Variants in CNTNAP5 observed in about 807,000 individuals in gnomAD.
CNTNAP5 encodes the protein contactin-associated protein-like 5.
A neutral mutation model predicts 150.2 loss-of-function variants in CNTNAP5; 72 were observed. The observed-to-expected ratio is 0.48, with a 90% CI of 0.40 to 0.58. CNTNAP5 has a LOEUF of 0.58. CNTNAP5 is among the 20% of genes least tolerant of loss of function. CNTNAP5 has a pLI of 0.00. For missense variants in CNTNAP5, 1,636 were observed against 1,626.2 expected (o/e 1.01, Z -0.10); for synonymous variants, 672 against 619.8 (o/e 1.08, Z -1.25).
chr2:124,572,301 G>A (rs1328127578), intron 11 of CNTNAP5, among the ~76,000 whole-genome samples: 1 of 151,832 alleles, frequency 6.6e-6, no homozygotes, highest in East Asian at 1.9e-4. Flanking sequence ...AGATACTGGG[G>A]TCTACCTGAG....
At chr2:124,306,847 C>T (rs1181189912) in intron 3 of CNTNAP5, among the ~76,000 whole-genome samples, 1 of 151,314 alleles carries the variant, frequency 6.6e-6, no homozygotes, top group Non-Finnish European at 1.5e-5. Context: ...CCTGCCTCAG[C>T]CTCCTGAGTA....
At chr2:124,783,687 G>A (rs1350440856) in intron 17 of CNTNAP5, among the ~76,000 whole-genome samples, 1 of 152,142 alleles carries the variant, frequency 6.6e-6, no homozygotes, top group Non-Finnish European at 1.5e-5. Context: ...TTGGTTTGAG[G>A]TGTCAAAATT....
chr2:124,175,149 A>C (rs556667010), intron 1 of CNTNAP5, among the ~76,000 whole-genome samples: 3 of 152,214 alleles, frequency 2.0e-5, no homozygotes, highest in Admixed American at 2.0e-4. Flanking sequence ...GCTTTACTTA[A>C]ATGGTCTGGA....
intron 6 of CNTNAP5, among the ~76,000 whole-genome samples, chr2:124,470,339 T>C (rs1263425021): frequency 6.6e-5 from 10 of 152,230 alleles, no homozygotes. Context: ...GAACTTTTTT[T>C]CATATGCTTG....
chr2:124,560,753 T>C (rs993756382), intron 10 of CNTNAP5, among the ~76,000 whole-genome samples: 1 of 152,080 alleles, frequency 6.6e-6, no homozygotes, highest in African/African-American at 2.4e-5. Context: ...CAATGAAGTC[T>C]CAAGGACAGC....
At chr2:124,790,861 C>T (rs1415537712) in intron 18 of CNTNAP5, among the ~76,000 whole-genome samples, 3 of 152,036 alleles carry the variant, frequency 2.0e-5, no homozygotes, top group African/African-American at 7.2e-5. Context: ...TTCAAGATAC[C>T]TCAAGAAACT....
chr2:124,803,064 G>A (rs1220363982), intron 19 of CNTNAP5, among the ~76,000 whole-genome samples: 5 of 149,848 alleles, frequency 3.3e-5, no homozygotes, highest in African/African-American at 1.2e-4. Context: ...GCAGTGAGCC[G>A]AGATCACGCC....
intron 13 of CNTNAP5, among the ~76,000 whole-genome samples, chr2:124,651,219 G>A (rs1386414082): frequency 6.6e-6 from 1 of 152,330 alleles, no homozygotes; most frequent in East Asian, 1.9e-4. Flanking sequence ...TTGCTAACTA[G>A]TAGCCAGGGT....
intron 3 of CNTNAP5, among the ~76,000 whole-genome samples, chr2:124,411,460 A>G (rs1462244988): frequency 6.6e-6 from 1 of 151,958 alleles, no homozygotes; most frequent in Non-Finnish European, 1.5e-5. Flanking sequence ...CTTGATGAGC[A>G]TTGATTCAAA....
intron 1 of CNTNAP5, among the ~76,000 whole-genome samples, chr2:124,030,498 T>C (rs533412328): frequency 1.2e-4 from 18 of 152,244 alleles, no homozygotes; most frequent in African/African-American, 4.3e-4. Flanking sequence ...TTGCAAGATA[T>C]GAAACTTACT....
In CNTNAP5 at chr2:124,865,446, T is replaced by G; in HGVS notation, c.3348+10T>G. ...AGAGCTTACCATTCAGGTACCTTCC[T>G]TACTTTCTCCTGCTTCAGCCAATGT... On this transcript the variant is annotated intron_variant, in intron 20 of 23. Transcript: ENST00000682447. The G allele has an allele frequency of 6.4e-7, 1 of 1,551,080 alleles. No homozygotes were observed. The highest frequency in any genetic ancestry group is 1.2e-5 in the South Asian group (1 of 84,026).
intron 7 of CNTNAP5, among the ~76,000 whole-genome samples, chr2:124,488,790 A>G (rs1693951101): frequency 6.6e-6 from 1 of 152,198 alleles, no homozygotes; most frequent in Non-Finnish European, 1.5e-5. Context: ...TGTCTTCCTA[A>G]GGGAGCATCT....
intron 14 of CNTNAP5, among the ~76,000 whole-genome samples, chr2:124,749,383 C>CTTCCTTCCTTCCTTCCTTCT (rs1680673858): frequency 6.7e-6 from 1 of 149,602 alleles, no homozygotes; most frequent in African/African-American, 2.5e-5. Flanking sequence ...CTCTCCCTTC[C>CTTCCTTCCTTCCTTCCTTCT]TTCCTTCCTT....
intron 2 of CNTNAP5, among the ~76,000 whole-genome samples, chr2:124,229,489 C>CA (rs1009969358): frequency 2.0e-4 from 30 of 151,238 alleles, no homozygotes; most frequent in South Asian, 1.0e-3. Flanking sequence ...TCATCACACA[C>CA]AAAAAAAATG....
intron 10 of CNTNAP5, among the ~76,000 whole-genome samples, chr2:124,530,304 C>T (rs182503330): frequency 6.6e-5 from 10 of 152,086 alleles, no homozygotes; most frequent in South Asian, 6.2e-4. Context: ...AGCAAGACTC[C>T]GTCTAAAAAT....
intron 4 of CNTNAP5, among the ~76,000 whole-genome samples, chr2:124,423,855 G>A (rs1196248256): frequency 4.2e-5 from 6 of 142,310 alleles, no homozygotes; most frequent in East Asian, 4.2e-4. Flanking sequence ...TAGTAGAGAC[G>A]GGGTTTCACC....
At chr2:124,851,574 C>A (rs919092848) in intron 19 of CNTNAP5, among the ~76,000 whole-genome samples, 2 of 152,046 alleles carry the variant, frequency 1.3e-5, no homozygotes, top group African/African-American at 4.8e-5. Flanking sequence ...GGAAAGTCAG[C>A]ACATAGGGGT....
At chr2:124,547,503 T>A (rs999911965) in intron 10 of CNTNAP5, among the ~76,000 whole-genome samples, 3 of 152,028 alleles carry the variant, frequency 2.0e-5, no homozygotes, top group Non-Finnish European at 4.4e-5. Flanking sequence ...GCAGGGGACA[T>A]GTGTATTCCT....
intron 13 of CNTNAP5, among the ~76,000 whole-genome samples, chr2:124,725,437 C>CTCCCCT (rs1205055837): frequency 6.6e-6 from 1 of 150,714 alleles, no homozygotes; most frequent in Non-Finnish European, 1.5e-5. Flanking sequence ...CCTCCCTTTA[C>CTCCCCT]TCCCCTTCCC....
Sources: allele counts gnomAD v4.1 joint callset (sites outside exome capture counted in the v4.1 genomes callset), GRCh38; gene constraint gnomAD v4.1.1; transcripts MANE v1.5; gene names NCBI Gene and HGNC (gene_info 2026-07-23, HGNC 2026-07-21).